GPHN: variants seen among roughly 807,000 people sequenced by gnomAD.
The protein encoded by GPHN is gephyrin.
In GPHN, 17 loss-of-function variants were observed where a neutral mutation model predicts 95.5. The observed-to-expected ratio is 0.18, with a 90% CI of 0.12 to 0.27. GPHN has a LOEUF of 0.27. Among genes scored for constraint, GPHN ranks in the 10% least tolerant of loss-of-function variants. GPHN has a pLI of 1.00. For synonymous variants in GPHN, 320 were observed against 322.5 expected, an observed-to-expected ratio of 0.99 and a Z score of 0.08; for missense variants, 660 against 978.1, an observed-to-expected ratio of 0.67 and a Z score of 4.34.
intron 1 of GPHN, among the ~76,000 whole-genome samples, chr14:66,562,663 A>C (rs1386828888): frequency 6.6e-6 from 1 of 152,164 alleles, no homozygotes; most frequent in Non-Finnish European, 1.5e-5. Flanking sequence ...TTGAGCTACT[A>C]AGAACAGCAA....
chr14:67,691,145 T>A, the GPHN span: 9 of 1,610,142 alleles, frequency 5.6e-6, no homozygotes, highest in Non-Finnish European at 7.7e-6. Context: ...CTTACCCAAG[T>A]GGTTGACTCC....
chr14:67,440,007 C>T, the GPHN span, among the ~76,000 whole-genome samples: 3 of 151,914 alleles, frequency 2.0e-5, no homozygotes, highest in Non-Finnish European at 4.4e-5. Context: ...AGCTAATTTT[C>T]GTATTTTTGG....
the GPHN span, chr14:67,662,547 A>G: frequency 1.0e-5 from 16 of 1,604,000 alleles, no homozygotes; most frequent in African/African-American, 1.5e-4. Flanking sequence ...TAGAAAAGAT[A>G]GATAAGTTTC....
intron 4 of GPHN, among the ~76,000 whole-genome samples, chr14:66,827,826 A>G (rs2061437838): frequency 6.6e-6 from 1 of 152,004 alleles, no homozygotes; most frequent in Admixed American, 6.6e-5. Context: ...CTGCTATTCT[A>G]GTATCTAGGT....
chr14:67,208,888 C>A, the GPHN span, among the ~76,000 whole-genome samples: 1 of 142,570 alleles, frequency 7.0e-6, no homozygotes, highest in Admixed American at 7.2e-5. Flanking sequence ...CAGAGTAAAA[C>A]TCTGTCTCAA....
At chr14:66,773,352 C>CTTTTT (rs542180875) in intron 2 of GPHN, among the ~76,000 whole-genome samples, 2 of 121,832 alleles carry the variant, frequency 1.6e-5, no homozygotes, top group African/African-American at 3.4e-5. Flanking sequence ...TTGGGGAAAT[C>CTTTTT]TTTTTTTTTT....
chr14:67,452,552 G>A, the GPHN span, among the ~76,000 whole-genome samples: 3 of 152,154 alleles, frequency 2.0e-5, no homozygotes, highest in Non-Finnish European at 4.4e-5. Flanking sequence ...AGGTCCAAGT[G>A]GCCCTGTGCC....
At chr14:66,605,673 G>A (rs953878016) in intron 1 of GPHN, among the ~76,000 whole-genome samples, 1 of 151,706 alleles carries the variant, frequency 6.6e-6, no homozygotes, top group African/African-American at 2.4e-5. Context: ...GGGAGTATAG[G>A]TGCCTGCCAC....
chr14:67,701,128 G>T, the GPHN span, among the ~76,000 whole-genome samples: 3 of 151,762 alleles, frequency 2.0e-5, no homozygotes, highest in Non-Finnish European at 4.4e-5. Flanking sequence ...CTTTTTAAGG[G>T]TATAAAGAAC....
At chr14:67,090,473 A>G (rs764111653) in intron 12 of GPHN, among the ~76,000 whole-genome samples, 1 of 152,080 alleles carries the variant, frequency 6.6e-6, no homozygotes. Context: ...CCTTTTGGCT[A>G]TGTGTATAGG....
the GPHN span, among the ~76,000 whole-genome samples, chr14:67,556,688 A>G: frequency 8.1e-4 from 124 of 152,326 alleles, 1 homozygote; most frequent in African/African-American, 2.9e-3. Context: ...AGGAGTTTGA[A>G]TCTAGCCTGG....
intron 1 of GPHN, among the ~76,000 whole-genome samples, chr14:66,591,633 C>G (rs141299873): frequency 0.013 from 2,018 of 152,168 alleles, 23 homozygotes; most frequent in Non-Finnish European, 0.018. Context: ...CAACTACAAA[C>G]CACTGCTCAA....
At chr14:67,072,741 T>C (rs542168165) in intron 11 of GPHN, among the ~76,000 whole-genome samples, 2 of 152,130 alleles carry the variant, frequency 1.3e-5, no homozygotes, top group South Asian at 4.1e-4. Flanking sequence ...TCGTTTTCAG[T>C]TTCTATAAAC....
At chr14:67,260,253 CCTGATCTTGT>C in the GPHN span, among the ~76,000 whole-genome samples, 1 of 152,130 alleles carries the variant, frequency 6.6e-6, no homozygotes, top group African/African-American at 2.4e-5. Flanking sequence ...CCTGACTGTG[CCTGATCTTGT>C]CTGATCTTGG....
the GPHN span, chr14:67,586,731 C>A: frequency 8.9e-7 from 1 of 1,117,864 alleles, no homozygotes; most frequent in Non-Finnish European, 1.2e-6. Flanking sequence ...GCCAAACCTA[C>A]TCCTCCTTTA....
intron 4 of GPHN, among the ~76,000 whole-genome samples, chr14:66,875,940 C>G (rs2063644920): frequency 6.6e-6 from 1 of 152,160 alleles, no homozygotes; most frequent in Non-Finnish European, 1.5e-5. Context: ...CCCAAATCAA[C>G]AGAATGTACA....
At chr14:66,535,911 T>A (rs2059126145) in intron 1 of GPHN, among the ~76,000 whole-genome samples, 1 of 152,154 alleles carries the variant, frequency 6.6e-6, no homozygotes, top group African/African-American at 2.4e-5. Flanking sequence ...ATTTTACTTA[T>A]TTCTTTCCAG....
intron 1 of GPHN, among the ~76,000 whole-genome samples, chr14:66,622,212 A>G (rs1223924162): frequency 1.3e-5 from 2 of 152,156 alleles, no homozygotes; most frequent in African/African-American, 4.8e-5. Flanking sequence ...CTGGGGCTTG[A>G]ACCCTCTGAA....
At chr14:67,731,140 A>T in the GPHN span, among the ~76,000 whole-genome samples, 2 of 151,112 alleles carry the variant, frequency 1.3e-5, no homozygotes, top group East Asian at 3.9e-4. Flanking sequence ...TTTTAAATGT[A>T]GCTGCTAGAA....
Sources: allele counts gnomAD v4.1 joint callset (sites outside exome capture counted in the v4.1 genomes callset), GRCh38; gene constraint gnomAD v4.1.1; transcripts MANE v1.5; gene names NCBI Gene and HGNC (gene_info 2026-07-23, HGNC 2026-07-21).